CDH13: variants seen among roughly 807,000 people sequenced by gnomAD.
CDH13 encodes cadherin-13.
A neutral mutation model predicts 63.8 loss-of-function variants in CDH13; 24 were observed. The observed-to-expected ratio is 0.38, with a 90% CI of 0.27 to 0.53. The LOEUF (loss-of-function observed/expected upper bound fraction) is 0.53. Ranked by LOEUF, CDH13 falls within the 20% of genes least tolerant of loss-of-function variation. The pLI is 0.85. For missense variants in CDH13, 1,049 were observed against 903.1 expected, an observed-to-expected ratio of 1.16 and a Z score of -2.07; for synonymous variants, 503 against 355.3, an observed-to-expected ratio of 1.42 and a Z score of -4.67.
At chr16:83,696,737 A>C (rs910838515) in intron 10 of CDH13, among the ~76,000 whole-genome samples, 2 of 152,222 alleles carry the variant, frequency 1.3e-5, no homozygotes, top group Non-Finnish European at 2.9e-5. Context: ...ACTGCACTAC[A>C]TAAACTTTGT....
At chr16:83,157,221 G>C (rs1363118414) in intron 4 of CDH13, among the ~76,000 whole-genome samples, 5 of 152,062 alleles carry the variant, frequency 3.3e-5, no homozygotes, top group African/African-American at 1.2e-4. Flanking sequence ...TCTGATTAAC[G>C]GTATTGTGAT....
intron 11 of CDH13, among the ~76,000 whole-genome samples, chr16:83,774,117 G>A (rs1486861391): frequency 5.3e-5 from 8 of 152,222 alleles, no homozygotes; most frequent in East Asian, 1.9e-4. Flanking sequence ...TGAGCTATTC[G>A]TCCTACAGAA....
At chr16:83,751,574 C>T (rs1205202502) in intron 11 of CDH13, among the ~76,000 whole-genome samples, 3 of 152,126 alleles carry the variant, frequency 2.0e-5, no homozygotes, top group African/African-American at 4.8e-5. Context: ...AAAGAGAGGA[C>T]CAAGCCAAGG....
chr16:83,376,280 C>G (rs767115344), intron 6 of CDH13, among the ~76,000 whole-genome samples: 6 of 152,164 alleles, frequency 3.9e-5, no homozygotes, highest in Non-Finnish European at 8.8e-5. Flanking sequence ...GAATTAGTCT[C>G]TGTATGCACA....
intron 2 of CDH13, among the ~76,000 whole-genome samples, chr16:83,000,044 AT>A (rs1341455652): frequency 6.6e-6 from 1 of 152,036 alleles, no homozygotes; most frequent in Non-Finnish European, 1.5e-5. Flanking sequence ...CAACAAAAAA[AT>A]ATCCTGCCCA....
At chr16:83,682,801 G>A (rs546900811) in intron 10 of CDH13, among the ~76,000 whole-genome samples, 60 of 152,066 alleles carry the variant, frequency 3.9e-4, no homozygotes, top group Admixed American at 2.6e-4. Flanking sequence ...CCAGGCCCTC[G>A]AAACTAAAAG....
At chr16:83,624,215 G>C (rs1289372447) in intron 8 of CDH13, among the ~76,000 whole-genome samples, 1 of 152,202 alleles carries the variant, frequency 6.6e-6, no homozygotes, top group African/African-American at 2.4e-5. Flanking sequence ...ATACACAAAG[G>C]CAGGAACACC....
intron 4 of CDH13, among the ~76,000 whole-genome samples, chr16:83,170,533 T>C (rs1412922102): frequency 6.6e-6 from 1 of 152,054 alleles, no homozygotes; most frequent in Non-Finnish European, 1.5e-5. Context: ...CTATCAGCCT[T>C]TGAGATTTTC....
At chr16:82,652,628 A>AGCTGCTGCTGCT (rs35661989) in intron 1 of CDH13, among the ~76,000 whole-genome samples, 3 of 149,412 alleles carry the variant, frequency 2.0e-5, no homozygotes, top group East Asian at 2.0e-4. Flanking sequence ...AGATATTGGA[A>AGCTGCTGCTGCT]GCTGCTGCTG....
intron 4 of CDH13, among the ~76,000 whole-genome samples, chr16:83,209,635 GTGTT>G (rs1281553945): frequency 2.0e-5 from 3 of 152,136 alleles, no homozygotes; most frequent in African/African-American, 7.2e-5. Context: ...TTCACTCAGA[GTGTT>G]AATCAAGTGT....
intron 6 of CDH13, among the ~76,000 whole-genome samples, chr16:83,426,167 A>G (rs1347770337): frequency 6.6e-6 from 1 of 152,016 alleles, no homozygotes; most frequent in Non-Finnish European, 1.5e-5. Context: ...AGCTCATGCC[A>G]TCTGATTAAT....
intron 3 of CDH13, among the ~76,000 whole-genome samples, chr16:83,084,069 C>G (rs1476030636): frequency 6.6e-6 from 1 of 152,152 alleles, no homozygotes; most frequent in Non-Finnish European, 1.5e-5. Flanking sequence ...AAGAGGCTGT[C>G]CTAAAATCCT....
In CDH13 at chr16:83,010,417, GT is replaced by G. The variant is rs796342275; in HGVS notation, c.158-21586del. Among the ~76,000 whole-genome samples the G allele has an allele frequency of 3.9e-3, 597 of 152,128 alleles. 3 individuals are homozygous for G. Among genetic ancestry groups the G allele is most frequent in the African/African-American group, 0.013 (558 of 41,512 alleles). On this transcript the variant is annotated intron_variant, in intron 2 of 13. Transcript: ENST00000567109. ...CGACTGTCAGAAATGGAAATGTAGG[GT>G]TTTTTTGGCCCCTTTGCTTGTTTTA...
At chr16:82,683,767 C>T (rs143881803) in intron 1 of CDH13, among the ~76,000 whole-genome samples, 17 of 152,320 alleles carry the variant, frequency 1.1e-4, no homozygotes, top group African/African-American at 3.4e-4. Flanking sequence ...GAAAATGAGA[C>T]TCAAGCCAAG....
chr16:83,024,018 T>G (rs2151459755), intron 2 of CDH13, among the ~76,000 whole-genome samples: 1 of 152,312 alleles, frequency 6.6e-6, no homozygotes, highest in East Asian at 1.9e-4. Flanking sequence ...TTATCAAGAC[T>G]TCATTATTTA....
At chr16:82,855,593 T>A (rs1362721520) in intron 1 of CDH13, among the ~76,000 whole-genome samples, 1 of 152,232 alleles carries the variant, frequency 6.6e-6, no homozygotes, top group Non-Finnish European at 1.5e-5. Context: ...CTGCATCCTG[T>A]GTATGTGCCA....
intron 2 of CDH13, among the ~76,000 whole-genome samples, chr16:83,010,051 C>G (rs1913962298): frequency 1.4e-5 from 2 of 147,002 alleles, no homozygotes; most frequent in South Asian, 4.3e-4. Context: ...AGGAGAATCA[C>G]TTCAACCCAG....
chr16:83,361,061 A>T (rs1160125667), intron 6 of CDH13, among the ~76,000 whole-genome samples: 1 of 152,224 alleles, frequency 6.6e-6, no homozygotes, highest in Non-Finnish European at 1.5e-5. Flanking sequence ...CGAACAGTAT[A>T]TAAGCTTTCC....
chr16:82,692,217 T>C (rs1915713035), intron 1 of CDH13, among the ~76,000 whole-genome samples: 1 of 152,232 alleles, frequency 6.6e-6, no homozygotes, highest in African/African-American at 2.4e-5. Context: ...CCCAGCATGG[T>C]AACTTCTATG....
Sources: allele counts gnomAD v4.1 joint callset (sites outside exome capture counted in the v4.1 genomes callset), GRCh38; gene constraint gnomAD v4.1.1; transcripts MANE v1.5; gene names NCBI Gene and HGNC (gene_info 2026-07-23, HGNC 2026-07-21).